Variants in ARHGAP44 observed in about 807,000 individuals in gnomAD.
ARHGAP44 encodes the protein Rho GTPase activating protein 44, also known as rho GTPase-activating protein 44.
ARHGAP44 carries 43 observed loss-of-function variants against 106.8 expected under a neutral mutation model. The observed-to-expected ratio is 0.40, with a 90% CI of 0.32 to 0.52. ARHGAP44 has a LOEUF of 0.52. Among genes scored for constraint, ARHGAP44 ranks in the 20% least tolerant of loss-of-function variants. The pLI is 0.48. For missense variants in ARHGAP44, 866 were observed against 1,050.5 expected (o/e 0.82, Z 2.43); for synonymous variants, 439 against 410.3 (o/e 1.07, Z -0.85).
chr17:12,803,004 G>A (rs1398341524), intron 1 of ARHGAP44, among the ~76,000 whole-genome samples: 1 of 111,110 alleles, frequency 9.0e-6, no homozygotes, highest in Non-Finnish European at 1.7e-5. Flanking sequence ...GCAGAGTCTA[G>A]CTCTGTCACC....
chr17:12,908,054 G>A (rs1177640255), intron 3 of ARHGAP44, among the ~76,000 whole-genome samples: 1 of 151,888 alleles, frequency 6.6e-6, no homozygotes, highest in Non-Finnish European at 1.5e-5. Flanking sequence ...TGACTAATGA[G>A]GTTAATTATC....
At chr17:12,884,033 C>G (rs991789730) in intron 1 of ARHGAP44, among the ~76,000 whole-genome samples, 64 of 152,194 alleles carry the variant, frequency 4.2e-4, no homozygotes, top group African/African-American at 1.3e-3. Context: ...CATTATATTG[C>G]TGTCCTCTTT....
chr17:12,910,692 C>T (rs1461441079), intron 4 of ARHGAP44, among the ~76,000 whole-genome samples: 1 of 151,942 alleles, frequency 6.6e-6, no homozygotes, highest in African/African-American at 2.4e-5. Flanking sequence ...GTGATCCACC[C>T]TCCTCGGCCT....
chr17:12,854,466 C>T (rs146432464), intron 1 of ARHGAP44, among the ~76,000 whole-genome samples: 58 of 152,174 alleles, frequency 3.8e-4, no homozygotes, highest in Admixed American at 1.5e-3. Flanking sequence ...ACATCATTTA[C>T]AACAGTGAAC....
Position 12,928,970 on chromosome 17 carries a change from T to C in ARHGAP44, c.506T>C (p.Leu169Ser). ...TSKSSGLSSS[L>S]QPAGAKADAL... The stretch of plus-strand genomic sequence containing the variant: ...AAGTCTTCAGGTTTGTCCAGCAGCT[T>C]ACAGCCTGCGGGTGCCAAGGCTGAT... The change falls in exon 7 of 21, where the codon TTA becomes TCA. Residue 169 changes from leucine to serine, a missense_variant. Leu to Ser is a moderately radical substitution (Grantham distance 145). Coordinates refer to ENST00000379672, the MANE Select transcript of ARHGAP44 (RefSeq NM_014859.6). 6.2e-7 allele frequency: 1 copy of C among 1,613,468 alleles called. No homozygotes were observed. The highest frequency in any genetic ancestry group is 8.5e-7 in the Non-Finnish European group (1 of 1,179,696).
intron 1 of ARHGAP44, among the ~76,000 whole-genome samples, chr17:12,831,624 C>G (rs962248554): frequency 7.9e-5 from 12 of 152,152 alleles, no homozygotes; most frequent in Non-Finnish European, 1.2e-4. Context: ...ACCCTCCCAT[C>G]GAGGCCCTGT....
intron 10 of ARHGAP44, among the ~76,000 whole-genome samples, 158 bp downstream of exon 10, chr17:12,944,354 T>C (rs1427680488): frequency 6.6e-6 from 1 of 152,188 alleles, no homozygotes; most frequent in Non-Finnish European, 1.5e-5. Flanking sequence ...AGAACACAAA[T>C]TGATCCTGCC....
intron 1 of ARHGAP44, among the ~76,000 whole-genome samples, chr17:12,847,510 C>CTTTTT (rs201835763): frequency 1.0e-4 from 14 of 133,584 alleles, no homozygotes; most frequent in Admixed American, 1.5e-4. Context: ...GCTACCATCA[C>CTTTTT]TCTTTTTTTT....
At chr17:12,818,368 A>G (rs2034664392) in intron 1 of ARHGAP44, among the ~76,000 whole-genome samples, 1 of 150,636 alleles carries the variant, frequency 6.6e-6, no homozygotes, top group South Asian at 2.1e-4. Context: ...CCTACAACTC[A>G]CATCATATTT....
chr17:12,806,606 T>A (rs7225339), intron 1 of ARHGAP44, among the ~76,000 whole-genome samples: 2 of 152,030 alleles, frequency 1.3e-5, no homozygotes, highest in Admixed American at 1.3e-4. Flanking sequence ...ACTTGACATC[T>A]CCCCATAGTT....
intron 1 of ARHGAP44, among the ~76,000 whole-genome samples, chr17:12,810,872 C>T (rs866563192): frequency 2.0e-5 from 3 of 152,122 alleles, no homozygotes; most frequent in South Asian, 4.1e-4. Context: ...TAACTTTTGA[C>T]CACCCCAAAA....
intron 7 of ARHGAP44, among the ~76,000 whole-genome samples, chr17:12,933,209 T>G: frequency 6.6e-6 from 1 of 152,234 alleles, no homozygotes; most frequent in South Asian, 2.1e-4. Context: ...CCCTGATCTC[T>G]TCATGGTTTT....
At chr17:12,877,081 A>G (rs945131279) in intron 1 of ARHGAP44, among the ~76,000 whole-genome samples, 4 of 152,190 alleles carry the variant, frequency 2.6e-5, no homozygotes, top group Non-Finnish European at 4.4e-5. Context: ...TTGGAAACTT[A>G]TTTATCTGAA....
chr17:12,884,117 C>T (rs188833869), intron 1 of ARHGAP44, among the ~76,000 whole-genome samples: 6 of 152,008 alleles, frequency 3.9e-5, no homozygotes, highest in African/African-American at 1.2e-4. Flanking sequence ...GTTTTTATTT[C>T]TCTTTTGATC....
intron 1 of ARHGAP44, among the ~76,000 whole-genome samples, chr17:12,849,594 T>TTG (rs11373135): frequency 0.02 from 2,230 of 112,464 alleles, 286 homozygotes; most frequent in African/African-American, 0.036. Context: ...TTTTTTTTTT[T>TTG]GCTTGGCTTC....
At chr17:12,984,455 G>T (rs2039907406) in intron 19 of ARHGAP44, 76 bp from the exon 20 acceptor site, 1 of 1,471,008 alleles carries the variant, frequency 6.8e-7, no homozygotes, top group Non-Finnish European at 9.0e-7. Flanking sequence ...ACGCTGAAGG[G>T]TGTGTGAACA....
chr17:12,790,740 A>G (rs1331649379), intron 1 of ARHGAP44: 3 of 152,204 alleles, frequency 2.0e-5, no homozygotes, highest in Non-Finnish European at 2.9e-5. Flanking sequence ...GCCAACATCT[A>G]TTAAGGTTAC....
intron 1 of ARHGAP44, among the ~76,000 whole-genome samples, chr17:12,844,758 ATTTATT>A (rs1166164298): frequency 6.6e-6 from 1 of 151,848 alleles, no homozygotes; most frequent in African/African-American, 2.4e-5. Context: ...TCATGTTTTT[ATTTATT>A]TTTATTTTTA....
In ARHGAP44 at chr17:12,978,147, A is replaced by G. The variant is rs73294369; in HGVS notation, c.1764-1911A>G. Among the ~76,000 whole-genome samples, 865 of 151,520 alleles carry G rather than the reference A, an allele frequency of 5.7e-3. 8 individuals are homozygous for G. Among genetic ancestry groups the G allele is most frequent in the African/African-American group, 0.02 (810 of 41,262 alleles). ...CAAAGGAAGGAAGAAGAGTCTACCCACCCACAAGAAGCAATTTTTTAGTTT... is the reference window on the plus strand; with the variant it reads ...CAAAGGAAGGAAGAAGAGTCTACCCGCCCACAAGAAGCAATTTTTTAGTTT... On this transcript the variant is annotated intron_variant, in intron 18 of 20. Transcript: ENST00000379672.
Sources: gnomAD v4.1 joint callset for allele counts (sites outside exome capture counted in the v4.1 genomes callset) on GRCh38, gnomAD v4.1.1 for gene constraint, MANE v1.5 for transcripts, NCBI Gene and HGNC (gene_info 2026-07-23, HGNC 2026-07-21) for gene names.